Variants in HCN1 observed in about 807,000 individuals in gnomAD.
HCN1 encodes potassium/sodium hyperpolarization-activated cyclic nucleotide-gated channel 1.
HCN1 carries 13 observed loss-of-function variants against 78.9 expected under a neutral mutation model. That is an observed-to-expected ratio of 0.16 (90% confidence interval 0.11 to 0.26). The LOEUF is 0.26. HCN1 is among the 10% of genes least tolerant of loss of function. HCN1 has a pLI of 1.00. For missense variants in HCN1, 810 were observed against 1,154.3 expected (o/e 0.70, Z 4.32); for synonymous variants, 552 against 455.5 (o/e 1.21, Z -2.70).
chr5:45,309,267 CTGTCATAA>C (rs1246641990), intron 5 of HCN1, among the ~76,000 whole-genome samples: 4 of 152,096 alleles, frequency 2.6e-5, no homozygotes, highest in Non-Finnish European at 5.9e-5. Context: ...AAGCTTTAGG[CTGTCATAA>C]TGGGGTTTTC....
chr5:45,372,122 T>G (rs1175559578), intron 4 of HCN1, among the ~76,000 whole-genome samples: 1 of 56,100 alleles, frequency 1.8e-5, no homozygotes, highest in Non-Finnish European at 2.7e-5. Flanking sequence ...TAATTATATA[T>G]TATATATATA....
intron 2 of HCN1, among the ~76,000 whole-genome samples, chr5:45,463,556 C>T (rs1349647091): frequency 1.3e-5 from 2 of 151,908 alleles, no homozygotes; most frequent in African/African-American, 4.8e-5. Context: ...CTGTAAGCTA[C>T]TTTTTATTTT....
intron 5 of HCN1, among the ~76,000 whole-genome samples, chr5:45,337,662 T>C (rs1350911779): frequency 6.6e-6 from 1 of 152,116 alleles, no homozygotes; most frequent in Non-Finnish European, 1.5e-5. Flanking sequence ...CCTGAGTTCA[T>C]ATAGCAGAAC....
intron 2 of HCN1, among the ~76,000 whole-genome samples, chr5:45,498,026 C>T (rs539530026): frequency 1.3e-5 from 2 of 152,192 alleles, no homozygotes; most frequent in South Asian, 4.1e-4. Flanking sequence ...ACATTTTTTC[C>T]TTCATTTCAA....
chr5:45,394,033 T>A (rs1739637305), intron 4 of HCN1, among the ~76,000 whole-genome samples: 1 of 152,102 alleles, frequency 6.6e-6, no homozygotes, highest in Non-Finnish European at 1.5e-5. Context: ...CTTTACAACC[T>A]CTTTTGGGAT....
chr5:45,346,339 A>T (rs894547623), intron 5 of HCN1, among the ~76,000 whole-genome samples: 6 of 152,212 alleles, frequency 3.9e-5, no homozygotes, highest in African/African-American at 1.4e-4. Flanking sequence ...AGTAAAAGAA[A>T]GGAGAGGGCA....
At chr5:45,496,725 G>A (rs1480581204) in intron 2 of HCN1, among the ~76,000 whole-genome samples, 5 of 152,042 alleles carry the variant, frequency 3.3e-5, no homozygotes, top group Non-Finnish European at 7.4e-5. Context: ...TCTGATTTTA[G>A]TTATTTCTTG....
At chr5:45,357,842 G>A (rs1414836016) in intron 4 of HCN1, among the ~76,000 whole-genome samples, 1 of 151,992 alleles carries the variant, frequency 6.6e-6, no homozygotes, top group Non-Finnish European at 1.5e-5. Flanking sequence ...TCATAGGGGT[G>A]GATCCCTCAA....
intron 4 of HCN1, among the ~76,000 whole-genome samples, chr5:45,374,178 T>TAA (rs1491510566): frequency 1.8e-5 from 2 of 110,670 alleles, no homozygotes; most frequent in Non-Finnish European, 3.6e-5. Context: ...ATAATATATA[T>TAA]TATATATTAT....
intron 6 of HCN1, among the ~76,000 whole-genome samples, chr5:45,293,569 C>T (rs776455993): frequency 6.6e-6 from 1 of 151,924 alleles, no homozygotes; most frequent in Non-Finnish European, 1.5e-5. Context: ...ATAGGAGGAC[C>T]CAGGATTGTA....
chr5:45,579,497 G>A (rs1006994809), intron 2 of HCN1, among the ~76,000 whole-genome samples: 3 of 151,752 alleles, frequency 2.0e-5, no homozygotes, highest in Non-Finnish European at 4.4e-5. Flanking sequence ...CCATGGTCTC[G>A]CAAAGATCCT....
At chr5:45,482,809 T>C (rs1452878714) in intron 2 of HCN1, among the ~76,000 whole-genome samples, 1 of 152,136 alleles carries the variant, frequency 6.6e-6, no homozygotes, top group Non-Finnish European at 1.5e-5. Context: ...ACATTTATGT[T>C]CATGTGTGCT....
intron 2 of HCN1, among the ~76,000 whole-genome samples, chr5:45,550,645 T>A (rs894080393): frequency 1.3e-5 from 2 of 151,974 alleles, no homozygotes; most frequent in Non-Finnish European, 2.9e-5. Flanking sequence ...TAAAGTATAA[T>A]TTTTAAAAAA....
intron 4 of HCN1, among the ~76,000 whole-genome samples, chr5:45,391,650 A>G (rs1006811976): frequency 2.0e-5 from 3 of 152,080 alleles, no homozygotes; most frequent in African/African-American, 7.2e-5. Context: ...GAACACACCC[A>G]TGATTAGCCC....
chr5:45,584,564 C>T (rs981931489), intron 2 of HCN1, among the ~76,000 whole-genome samples: 1 of 152,082 alleles, frequency 6.6e-6, no homozygotes, highest in African/African-American at 2.4e-5. Flanking sequence ...GAATTTGATC[C>T]TGTCATTATA....
chr5:45,411,095 C>G (rs1740012177), intron 3 of HCN1, among the ~76,000 whole-genome samples: 1 of 152,040 alleles, frequency 6.6e-6, no homozygotes, highest in South Asian at 2.1e-4. Flanking sequence ...AATCACTTGT[C>G]TCTGATAAAT....
chr5:45,499,074 G>T (rs1217387627), intron 2 of HCN1, among the ~76,000 whole-genome samples: 1 of 152,182 alleles, frequency 6.6e-6, no homozygotes, highest in Admixed American at 6.5e-5. Flanking sequence ...AGCCTACAGA[G>T]GCAGGCAGGT....
At chr5:45,478,916 G>A (rs1741583202) in intron 2 of HCN1, among the ~76,000 whole-genome samples, 1 of 152,108 alleles carries the variant, frequency 6.6e-6, no homozygotes, top group Non-Finnish European at 1.5e-5. Context: ...GAGGTCAGAA[G>A]TTCAAGACCA....
intron 3 of HCN1, among the ~76,000 whole-genome samples, chr5:45,453,216 C>G (rs944532776): frequency 6.6e-6 from 1 of 151,978 alleles, no homozygotes; most frequent in African/African-American, 2.4e-5. Flanking sequence ...TATGAATTGC[C>G]TGACATCCGT....
Sources: allele counts gnomAD v4.1 joint callset (sites outside exome capture counted in the v4.1 genomes callset), GRCh38; gene constraint gnomAD v4.1.1; transcripts MANE v1.5; gene names NCBI Gene and HGNC (gene_info 2026-07-23, HGNC 2026-07-21).